TRAK1: variants seen among roughly 807,000 people sequenced by gnomAD.
TRAK1 encodes trafficking kinesin-binding protein 1.
A neutral mutation model predicts 92.1 loss-of-function variants in TRAK1; 33 were observed. The ratio of observed to expected loss-of-function variants is 0.36; its 90% CI spans 0.27 to 0.48. The LOEUF is 0.48. Ranked by LOEUF, TRAK1 falls within the 20% of genes least tolerant of loss-of-function variation. The probability of loss-of-function intolerance (pLI) is 0.99; values close to 1 mark genes in which losing one functional copy is unlikely to be tolerated. For missense variants in TRAK1, 1,123 were observed against 1,257.9 expected (o/e 0.89, Z 1.62); for synonymous variants, 521 against 517.3 (o/e 1.01, Z -0.10).
chr3:42,114,869 C>T (rs139991598), intron 1 of TRAK1, among the ~76,000 whole-genome samples: 4,232 of 152,114 alleles, frequency 0.028, 219 homozygotes, highest in African/African-American at 0.097. Flanking sequence ...TGCACCACCA[C>T]GTCTGGCTAA....
intron 2 of TRAK1, among the ~76,000 whole-genome samples, chr3:42,148,592 T>C (rs1699600481): frequency 6.6e-6 from 1 of 152,220 alleles, no homozygotes; most frequent in Non-Finnish European, 1.5e-5. Context: ...TTTCTTCTAG[T>C]GTGCACTTTA....
At position 42,166,917 on chromosome 3, in the gene TRAK1, G is replaced by A. The variant is rs980647524; in HGVS notation, c.287-9897G>A. On this transcript the variant is annotated intron_variant, in intron 2 of 15. Coordinates refer to ENST00000327628, the MANE Select transcript of TRAK1 (RefSeq NM_001042646.3). ...CAGACCATTGTTCGTACGGCTCTGG[G>A]TCGGTCTCTGCCCCCACTACTGTTC... is the stretch of plus-strand genomic sequence containing the variant. Among the ~76,000 whole-genome samples, 3 of 152,214 alleles carry A rather than the reference G, an allele frequency of 2.0e-5. No homozygotes were observed. The East Asian group carries it at 5.8e-4, about 29-fold the overall frequency.
At chr3:42,162,460 T>G (rs1047367143) in intron 2 of TRAK1, among the ~76,000 whole-genome samples, 1 of 152,142 alleles carries the variant, frequency 6.6e-6, no homozygotes, top group South Asian at 2.1e-4. Flanking sequence ...AGGCTCAGTA[T>G]AGACCGAGAA....
At chr3:42,023,274 A>AT (rs1701791960) in intron 1 of TRAK1, among the ~76,000 whole-genome samples, 1 of 152,118 alleles carries the variant, frequency 6.6e-6, no homozygotes, top group South Asian at 2.1e-4. Context: ...AAAAGGCAGC[A>AT]TGGCAGATTG....
intron 1 of TRAK1, among the ~76,000 whole-genome samples, chr3:42,015,478 C>T (rs1701483771): frequency 6.6e-6 from 1 of 152,056 alleles, no homozygotes; most frequent in Non-Finnish European, 1.5e-5. Context: ...AGTGGGAAAC[C>T]TGGACTGAAA....
At chr3:42,113,403 C>T (rs1233120585) in intron 1 of TRAK1, among the ~76,000 whole-genome samples, 1 of 131,264 alleles carries the variant, frequency 7.6e-6, no homozygotes, top group Non-Finnish European at 1.5e-5. Flanking sequence ...CCTACCTCTA[C>T]CCCTACCCCT....
intron 2 of TRAK1, among the ~76,000 whole-genome samples, chr3:42,155,524 G>T (rs1171563694): frequency 6.6e-6 from 1 of 152,206 alleles, no homozygotes; most frequent in Non-Finnish European, 1.5e-5. Flanking sequence ...GTGGGCAGAA[G>T]TTAGCAGCTT....
intron 1 of TRAK1, among the ~76,000 whole-genome samples, chr3:42,109,927 G>A (rs1478152257): frequency 6.6e-6 from 1 of 150,980 alleles, no homozygotes; most frequent in African/African-American, 2.4e-5. Flanking sequence ...ACAGGATGGG[G>A]AACATCACAC....
chr3:42,206,678 G>C (rs1708368218), intron 13 of TRAK1, among the ~76,000 whole-genome samples: 1 of 152,220 alleles, frequency 6.6e-6, no homozygotes, highest in Admixed American at 6.5e-5. Flanking sequence ...GTTCTTACAT[G>C]GGTGTTCTTA....
chr3:42,194,821 C>T lies in TRAK1; in HGVS notation c.993C>T (p.Asp331=), dbSNP rs749688177. 8.1e-6 allele frequency: 13 copies of T among 1,613,524 alleles called. No homozygotes were observed. Among genetic ancestry groups the T allele is most frequent in the Non-Finnish European group, 8.5e-6 (10 of 1,179,840 alleles). The change falls in exon 10 of 16, where the codon GAC becomes GAT. Residue 331 remains aspartate, a synonymous_variant. Coordinates refer to ENST00000327628, the MANE Select transcript of TRAK1 (RefSeq NM_001042646.3). The part of the protein sequence containing the change: ...QLTAELRELE[D]KYAECMEMLH... The stretch of plus-strand genomic sequence containing the variant: ...GCCTGCAGCTGCGTGAGCTGGAGGA[C>T]AAGTACGCAGAGTGCATGGAGATGC...
At chr3:42,017,057 C>A (rs916452259) in intron 1 of TRAK1, among the ~76,000 whole-genome samples, 1 of 152,058 alleles carries the variant, frequency 6.6e-6, no homozygotes, top group African/African-American at 2.4e-5. Context: ...CTCAGGAGTT[C>A]GAGACCAGCC....
intron 3 of TRAK1, among the ~76,000 whole-genome samples, chr3:42,180,188 C>T (rs987532822): frequency 2.0e-5 from 3 of 151,968 alleles, no homozygotes; most frequent in African/African-American, 4.8e-5. Context: ...ACTACAATAA[C>T]GTTTCTGTTT....
At chr3:42,133,466 T>A (rs78612833) in intron 2 of TRAK1, among the ~76,000 whole-genome samples, 4,450 of 152,318 alleles carry the variant, frequency 0.029, 232 homozygotes, top group African/African-American at 0.1. Context: ...GCAGTCCTCC[T>A]GCCTCAGCCT....
intron 2 of TRAK1, among the ~76,000 whole-genome samples, chr3:42,138,445 T>C (rs1232339480): frequency 6.6e-6 from 1 of 152,166 alleles, no homozygotes; most frequent in Non-Finnish European, 1.5e-5. Context: ...TATTTTTAAA[T>C]TTAAAAAATA....
intron 1 of TRAK1, among the ~76,000 whole-genome samples, chr3:42,076,698 C>A (rs1007063514): frequency 2.0e-5 from 3 of 152,168 alleles, no homozygotes; most frequent in African/African-American, 7.2e-5. Flanking sequence ...GTCATGAAAT[C>A]TTTGCCAGGG....
intron 2 of TRAK1, among the ~76,000 whole-genome samples, chr3:42,166,486 G>A (rs1217466461): frequency 6.6e-6 from 1 of 152,206 alleles, no homozygotes; most frequent in Non-Finnish European, 1.5e-5. Context: ...GTCCATGGTT[G>A]TGTCTCTCTC....
At chr3:42,102,076 C>G (rs954809043) in intron 1 of TRAK1, among the ~76,000 whole-genome samples, 13 of 152,350 alleles carry the variant, frequency 8.5e-5, no homozygotes, top group Admixed American at 8.5e-4. Flanking sequence ...ACTTCCGCCT[C>G]CCAGGTTCAA....
intron 1 of TRAK1, among the ~76,000 whole-genome samples, chr3:42,036,021 A>G (rs143286263): frequency 1.4e-3 from 207 of 152,344 alleles, no homozygotes; most frequent in African/African-American, 4.7e-3. Context: ...CCTGACCCCA[A>G]GTGACCCATC....
At chr3:42,027,860 T>C (rs1701978530) in intron 1 of TRAK1, among the ~76,000 whole-genome samples, 1 of 152,212 alleles carries the variant, frequency 6.6e-6, no homozygotes, top group Admixed American at 6.5e-5. Flanking sequence ...CTCTGTTATT[T>C]TTTTTTGAGA....
Sources: allele counts gnomAD v4.1 joint callset (sites outside exome capture counted in the v4.1 genomes callset), GRCh38; gene constraint gnomAD v4.1.1; transcripts MANE v1.5; gene names NCBI Gene and HGNC (gene_info 2026-07-23, HGNC 2026-07-21).